Variants in FTSJ3 observed in about 807,000 individuals in gnomAD.
The protein encoded by FTSJ3 is FtsJ RNA 2'-O-methyltransferase 3, also known as pre-rRNA 2'-O-ribose RNA methyltransferase FTSJ3.
FTSJ3 carries 46 observed loss-of-function variants against 111.5 expected under a neutral mutation model. The observed-to-expected ratio is 0.41, with a 90% confidence interval of 0.33 to 0.53. FTSJ3 has a LOEUF of 0.53. FTSJ3 is among the 20% of genes least tolerant of loss of function. FTSJ3 has a pLI of 0.19. For synonymous variants in FTSJ3, 408 were observed against 383.0 expected, an observed-to-expected ratio of 1.07 and a Z score of -0.76; for missense variants, 1,075 against 1,063.8, an observed-to-expected ratio of 1.01 and a Z score of -0.15.
At chr17:63,821,203 C>CA in intron 16 of FTSJ3, 88 bp from the exon 17 acceptor site, 1 of 1,529,326 alleles carries the variant, frequency 6.5e-7, no homozygotes, top group Non-Finnish European at 9.0e-7. Flanking sequence ...TCCTGCCATG[C>CA]AGGCTGTACC....
intron 5 of FTSJ3, 131 bp downstream of exon 5, chr17:63,825,925 G>A (rs1247008838): frequency 2.7e-6 from 2 of 751,220 alleles, no homozygotes; most frequent in South Asian, 1.7e-5. Flanking sequence ...GAATGCCATA[G>A]GTCTTGTCGT....
chr17:63,823,185 C>G (rs553507507), intron 13 of FTSJ3, among the ~76,000 whole-genome samples: 1 of 152,356 alleles, frequency 6.6e-6, no homozygotes, highest in Non-Finnish European at 1.5e-5. Flanking sequence ...TCTCAATGAA[C>G]TAAAGAATGC....
chr17:63,820,973 C>T, intron 17 of FTSJ3, 35 bp from the exon 18 acceptor site: 2 of 1,611,154 alleles, frequency 1.2e-6, no homozygotes, highest in Non-Finnish European at 1.7e-6. Context: ...AAGCTCAATT[C>T]CCAATACTGA....
chr17:63,820,990 C>T (rs761629210), intron 17 of FTSJ3, 40 bp downstream of exon 17: 1 of 1,609,854 alleles, frequency 6.2e-7, no homozygotes, highest in African/African-American at 1.3e-5. Context: ...CTGAGACTTC[C>T]AGTGGTCTTT....
intron 13 of FTSJ3, 49 bp from the exon 14 acceptor site, chr17:63,822,217 G>C (rs1366477425): frequency 5.4e-6 from 8 of 1,480,998 alleles, no homozygotes; most frequent in Middle Eastern, 1.8e-4. Flanking sequence ...GAAATATACT[G>C]TTTTTTTTTC....
Position 63,824,171 on chromosome 17 carries a change from G to C in FTSJ3, c.1067C>G (p.Ser356Cys), listed in dbSNP as rs1302084902. Residue 356 changes from serine (S) to cysteine (C), a missense_variant, in exon 12 of 21, where the codon TCT becomes TGT. Physicochemically the swap from Ser to Cys is moderately radical, Grantham distance 112 (BLOSUM62 -1). This residue lies in a region of FTSJ3 where 867 missense variants were observed against 796.9 expected (regional missense o/e 1.09). Coordinates refer to ENST00000427159, the MANE Select transcript of FTSJ3 (RefSeq NM_017647.4). ...DSTAGTTKQP[S>C]KEEEEEEEEE... ...CTCCTCCTCTTCCTCCTCCTCCTTA[G>C]AGGGCTGCTTTGTGGTTCCAGCTGT... The C allele has an allele frequency of 6.2e-7, 1 of 1,613,942 alleles. No individual in the cohort carries two copies. The highest frequency in any genetic ancestry group is 8.5e-7 in the Non-Finnish European group (1 of 1,180,016).
At chr17:63,826,694 G>A in intron 2 of FTSJ3, 22 bp from the exon 3 acceptor site, 2 of 1,594,018 alleles carry the variant, frequency 1.3e-6, no homozygotes, top group Non-Finnish European at 1.7e-6. Context: ...AACCAAGTGC[G>A]CAAACTGCTT....
chr17:63,819,746 C>T lies in FTSJ3; in HGVS notation c.*56G>A. Reference sequence around the variant, plus strand: ...GGTAATCAAGGGGGCCAGACTGAGCCATGCCACACCCTTCCTCCTAGTCCC... The same window carrying T: ...GGTAATCAAGGGGGCCAGACTGAGCTATGCCACACCCTTCCTCCTAGTCCC... On this transcript the variant is annotated 3_prime_UTR_variant, in exon 21 of 21. Transcript: ENST00000427159. The T allele has an allele frequency of 6.6e-7, 1 of 1,509,418 alleles. No individual in the cohort carries two copies. The highest frequency in any genetic ancestry group is 9.0e-7 in the Non-Finnish European group (1 of 1,111,418). 93.5% of individuals were successfully genotyped at this position (1,509,418 alleles called of 1,614,324 possible). A position where few individuals can be genotyped will look rare whatever the true frequency, so the allele number is the denominator to read the frequency against.
rs932875381 is a variant in FTSJ3, at chr17:63,824,701, C to T, written c.853G>A (p.Ala285Thr). 6.2e-7 allele frequency: 1 copy of T among 1,614,176 alleles called. No individual in the cohort carries two copies. Among genetic ancestry groups the T allele is most frequent in the African/African-American group, 1.3e-5 (1 of 75,060 alleles). Reference sequence around the variant, plus strand: ...CACACCCGTATGTCCTCAGTGGTAGCTGGATGCTGTGCCAACTCTTCATCA... The same window carrying T: ...CACACCCGTATGTCCTCAGTGGTAGTTGGATGCTGTGCCAACTCTTCATCA... ...VDDEELAQHP[A>T]TTEDIRVCCQ... is the part of the protein sequence containing the mutation. The change falls in exon 10 of 21, where the codon GCT becomes ACT. Residue 285 changes from alanine (A) to threonine (T), a missense_variant. Ala to Thr is a moderately conservative substitution (Grantham distance 58). Coordinates refer to ENST00000427159, the MANE Select transcript of FTSJ3 (RefSeq NM_017647.4).
At position 63,821,419 on chromosome 17, in the gene FTSJ3, A is replaced by G; in HGVS notation, c.1821T>C (p.Leu607=). 3 of 1,614,092 alleles carry G rather than the reference A, an allele frequency of 1.9e-6. No homozygotes were observed. Among genetic ancestry groups the G allele is most frequent in the Middle Eastern group, 3.3e-4 (2 of 6,026 alleles). The change falls in exon 16 of 21, where the codon CTT becomes CTC. Residue 607 remains leucine (L), a synonymous_variant. Transcript: ENST00000427159. ...AGATGCCATCCTTTTCTTCCCCTTC[A>G]AGGCCAGTGGCAGCTTCTGTCCCCG... is the stretch of plus-strand genomic sequence containing the variant. ...ASSGTEAATG[L]EGEEKDGISD... is the part of the protein sequence containing the mutation.
intron 5 of FTSJ3, 64 bp from the exon 6 acceptor site, chr17:63,825,699 T>C: frequency 7.0e-7 from 1 of 1,437,604 alleles, no homozygotes; most frequent in Non-Finnish European, 9.7e-7. Flanking sequence ...CAGCCATTTG[T>C]CCATCTAGTC....
rs753917656 is a variant in FTSJ3, at chr17:63,826,083, C to A, written c.273G>T (p.Gln91His). The A allele has an allele frequency of 6.2e-7, 1 of 1,613,562 alleles. No homozygotes were observed. The highest frequency in any genetic ancestry group is 8.5e-7 in the Non-Finnish European group (1 of 1,179,456). ...GCCTACAACGTTCTGTTGTGATGTC[C>A]TGCTGGAGAGTCACCACATTGGGGA... ...KPLPNVVTLQQDITTERCRQA... is the reference protein window; with the variant it reads ...KPLPNVVTLQHDITTERCRQA... Residue 91 changes from glutamine (Q) to histidine (H), a missense_variant, in exon 5 of 21, where the codon CAG becomes CAT. This residue lies in a region of FTSJ3 where 208 missense variants were observed against 266.9 expected (regional missense o/e 0.78). Transcript: ENST00000427159.
Position 63,827,061 on chromosome 17 carries a change from G to A in FTSJ3, c.-36C>T, listed in dbSNP as rs1184793097. 2.9e-6 allele frequency: 2 copies of A among 697,342 alleles called. No individual in the cohort carries two copies. The highest frequency in any genetic ancestry group is 5.0e-6 in the Non-Finnish European group (2 of 401,588). 43.2% of individuals were successfully genotyped at this position (697,342 alleles called of 1,614,324 possible). A position where few individuals can be genotyped will look rare whatever the true frequency, so the allele number is the denominator to read the frequency against. Reference sequence around the variant, plus strand: ...CCTCTCCGCACACTACCTAGACCCAGAGCCGCTTTCTCCACACTTGGAACC... The same window carrying A: ...CCTCTCCGCACACTACCTAGACCCAAAGCCGCTTTCTCCACACTTGGAACC... On this transcript the variant is annotated 5_prime_UTR_variant, in exon 1 of 21. Transcript: ENST00000427159.
rs542345969 is a variant in FTSJ3, at chr17:63,820,328, C to T, written c.2183G>A (p.Arg728Gln). 4.9e-5 allele frequency: 79 copies of T among 1,613,802 alleles called. 3 individuals carry two copies. In the South Asian group the frequency reaches 6.8e-4, roughly 14 times the overall value. ...TGCATTGATTTCCCGCCAGCGTTTC[C>T]GGTAATGCTCCACCTCCTTCTTACC... ...PVGKKEVEHY[R>Q]KRWREINARP... Residue 728 changes from arginine to glutamine, a missense_variant, in exon 19 of 21, where the codon CGG becomes CAG. Transcript: ENST00000427159.
At position 63,819,684 on chromosome 17, in the gene FTSJ3, T is replaced by TTC; in HGVS notation, c.*116_*117dup. The TTC allele has an allele frequency of 1.0e-6, 1 of 965,428 alleles. No individual in the cohort carries two copies. The highest frequency in any genetic ancestry group is 1.6e-5 in the South Asian group (1 of 62,378). 59.8% of individuals were successfully genotyped at this position (965,428 alleles called of 1,614,324 possible). A position where few individuals can be genotyped will look rare whatever the true frequency, so the allele number is the denominator to read the frequency against. On this transcript the variant is annotated 3_prime_UTR_variant, in exon 21 of 21. Transcript: ENST00000427159. ...GAGTTCTAGGCACTCCACCTCACTG[T>TTC]TCTTCAGACAGCTGTGATGTGAGCA...
In FTSJ3 at chr17:63,825,165, T is replaced by G; in HGVS notation, c.596-2A>C. 6.2e-7 allele frequency: 1 copy of G among 1,614,050 alleles called. No homozygotes were observed. The highest frequency in any genetic ancestry group is 8.5e-7 in the Non-Finnish European group (1 of 1,179,952). ...CAACCTTGTCAGGGGCCAGGAATCC[T>G]AAAAATGACAGGATATATTAAAAAG... is the stretch of plus-strand genomic sequence containing the variant. On this transcript the variant is annotated splice_acceptor_variant, in intron 7 of 20. Coordinates refer to ENST00000427159, the MANE Select transcript of FTSJ3 (RefSeq NM_017647.4). LOFTEE classifies it high-confidence loss of function.
rs1429130226 is a variant in FTSJ3, at chr17:63,820,191, A to G, written c.2257-18T>C. The G allele has an allele frequency of 6.2e-7, 1 of 1,613,830 alleles. No individual in the cohort carries two copies. The highest frequency in any genetic ancestry group is 2.2e-5 in the East Asian group (1 of 44,864). ...TTCAGCATCTGCAAAGGAACCTGTCAGGTGACCTCTTCCCCATCCCCCCAC... is the reference window on the plus strand; with the variant it reads ...TTCAGCATCTGCAAAGGAACCTGTCGGGTGACCTCTTCCCCATCCCCCCAC... On this transcript the variant is annotated intron_variant, in intron 19 of 20. Coordinates refer to ENST00000427159, the MANE Select transcript of FTSJ3 (RefSeq NM_017647.4).
intron 12 of FTSJ3, 47 bp downstream of exon 12, chr17:63,824,037 C>G (rs371651973): frequency 1.3e-5 from 21 of 1,613,764 alleles, no homozygotes; most frequent in Middle Eastern, 1.6e-4. Context: ...CATCTTCACA[C>G]AGTCCCTGCG....
At position 63,825,767 on chromosome 17, in the gene FTSJ3, TAAACAA is replaced by T. The variant is rs2040093026; in HGVS notation, c.301-138_301-133del. The T allele has an allele frequency of 1.4e-5, 10 of 736,088 alleles. No homozygotes were observed. The South Asian group carries it at 1.7e-4, about 13-fold the overall frequency. 45.6% of individuals were successfully genotyped at this position (736,088 alleles called of 1,614,324 possible). A position where few individuals can be genotyped will look rare whatever the true frequency, so the allele number is the denominator to read the frequency against. ...GTACCAGGCACAGGAGATACAATAG[TAAACAA>T]AAACAGTATGTCTCTACCTTCATGG... On this transcript the variant is annotated intron_variant, in intron 5 of 20. Transcript: ENST00000427159.
Sources: allele counts gnomAD v4.1 joint callset (sites outside exome capture counted in the v4.1 genomes callset), GRCh38; gene constraint gnomAD v4.1.1; regional missense constraint gnomAD v4.1.1; transcripts MANE v1.5; gene names NCBI Gene and HGNC (gene_info 2026-07-23, HGNC 2026-07-21).